RUBCN: variants seen among roughly 807,000 people sequenced by gnomAD.
The protein encoded by RUBCN is run domain Beclin-1-interacting and cysteine-rich domain-containing protein.
Under a neutral mutation model 113.2 loss-of-function variants are expected in RUBCN, and 74 were observed. The observed-to-expected ratio is 0.65, with a 90% confidence interval of 0.54 to 0.79. The LOEUF is 0.79. RUBCN is among the 30% of genes least tolerant of loss of function. RUBCN has a pLI of 0.00. For synonymous variants in RUBCN, 480 were observed against 490.0 expected, an observed-to-expected ratio of 0.98 and a Z score of 0.27; for missense variants, 1,109 against 1,251.7, an observed-to-expected ratio of 0.89 and a Z score of 1.72.
Position 197,708,858 on chromosome 3 carries a change from TA to T in RUBCN, c.220-3684del, listed in dbSNP as rs369340178. Among the ~76,000 whole-genome samples the T allele has an allele frequency of 5.4e-3, 818 of 152,270 alleles. 6 individuals carry two copies. Among genetic ancestry groups the T allele is most frequent in the African/African-American group, 0.019 (784 of 41,548 alleles). On this transcript the variant is annotated intron_variant, in intron 2 of 19. Transcript: ENST00000296343. The stretch of plus-strand genomic sequence containing the variant: ...CTCTGAAAAGCCTTTTCAGTAAAGG[TA>T]AGTCACTATAAAGAGTTGATACTGA...
intron 3 of RUBCN, 23 bp from the exon 4 acceptor site, chr3:197,704,724 T>G: frequency 1.2e-6 from 2 of 1,612,336 alleles, no homozygotes; most frequent in Non-Finnish European, 1.7e-6. Context: ...GGGGCATGAG[T>G]CAAAACACAC....
chr3:197,725,081 A>C (rs1726587552), intron 1 of RUBCN, among the ~76,000 whole-genome samples: 1 of 152,182 alleles, frequency 6.6e-6, no homozygotes, highest in Non-Finnish European at 1.5e-5. Flanking sequence ...CAGAAGCTGG[A>C]AAGTACCATA....
chr3:197,735,570 G>A (rs755114315), intron 1 of RUBCN, among the ~76,000 whole-genome samples: 3 of 152,164 alleles, frequency 2.0e-5, no homozygotes, highest in Non-Finnish European at 4.4e-5. Flanking sequence ...TCATCATTTA[G>A]TCAAAGTAGT....
rs773562073 is a variant in RUBCN, at chr3:197,683,878, C to T, written c.1847+279G>A. Among the ~76,000 whole-genome samples the T allele has an allele frequency of 6.6e-6, 1 of 152,184 alleles. No homozygotes were observed. The highest frequency in any genetic ancestry group is 1.5e-5 in the Non-Finnish European group (1 of 68,036). On this transcript the variant is annotated intron_variant, in intron 12 of 19. Coordinates refer to ENST00000296343, the MANE Select transcript of RUBCN (RefSeq NM_014687.4). The surrounding 1 kb of genome is among the most constrained non-coding windows in gnomAD (Gnocchi z 4.6). ...TCATAACCAAAAACCATCATCACTG[C>T]TCTCTTTTGAGACCTTCTGGGGCCT...
intron 8 of RUBCN, among the ~76,000 whole-genome samples, chr3:197,696,318 G>C (rs1722994825): frequency 6.6e-6 from 1 of 151,000 alleles, no homozygotes; most frequent in South Asian, 2.1e-4. Context: ...GTTGCAGTGA[G>C]CCAAGATCGC....
At chr3:197,687,075 T>G (rs1469378626) in intron 11 of RUBCN, among the ~76,000 whole-genome samples, 1 of 152,198 alleles carries the variant, frequency 6.6e-6, no homozygotes, top group Non-Finnish European at 1.5e-5. Flanking sequence ...TTAAACAAAG[T>G]AAGTGAGTCA....
chr3:197,733,318 TG>T (rs1727735633), intron 1 of RUBCN, among the ~76,000 whole-genome samples: 1 of 151,870 alleles, frequency 6.6e-6, no homozygotes, highest in Non-Finnish European at 1.5e-5. Context: ...ACAAAAAATC[TG>T]AAAAAATTAA....
Position 197,736,863 on chromosome 3 carries a change from G to C in RUBCN, c.-144C>G, listed in dbSNP as rs1728201246. On this transcript the variant is annotated 5_prime_UTR_variant, in exon 1 of 20. Coordinates refer to ENST00000296343, the MANE Select transcript of RUBCN (RefSeq NM_014687.4). ...TGCGCTACACCCGGGCGGCGACAGC[G>C]GGAGGGACCGCCGCCTGGGCTGCGG... 1.5e-6 allele frequency: 2 copies of C among 1,378,264 alleles called. No homozygotes were observed. The highest frequency in any genetic ancestry group is 1.7e-5 in the South Asian group (1 of 60,504). 85.4% of individuals were successfully genotyped at this position (1,378,264 alleles called of 1,614,324 possible).
At position 197,672,556 on chromosome 3, in the gene RUBCN, G is replaced by A. The variant is rs1345074574; in HGVS notation, c.*2462C>T. On this transcript the variant is annotated 3_prime_UTR_variant, in exon 20 of 20. Coordinates refer to ENST00000296343, the MANE Select transcript of RUBCN (RefSeq NM_014687.4). The stretch of plus-strand genomic sequence containing the variant: ...TAGGGAAAAATAAGTGACAAGTGAG[G>A]AGCCTATGAGACTGTTGAGTTCGGC... 2 of 152,248 alleles carry A rather than the reference G, an allele frequency of 1.3e-5. No individual in the cohort carries two copies. Among genetic ancestry groups the A allele is most frequent in the African/African-American group, 2.4e-5 (1 of 41,456 alleles). The allele number at this position is 152,248 out of a possible 1,614,324, so 9.4% of individuals were successfully genotyped here.
rs1560470847 is a variant in RUBCN at position 197,730,588 on chromosome 3, A to ATTTT, written c.65+6066_65+6067insAAAA. On this transcript the variant is annotated intron_variant, in intron 1 of 19. Coordinates refer to ENST00000296343, the MANE Select transcript of RUBCN (RefSeq NM_014687.4). ...CCTAGATTTTTTTTTTTTTTTTTTG[A>ATTTT]GAGAGAAAGTGGGACCAGGGGGCCA... is the stretch of plus-strand genomic sequence containing the variant. Among the ~76,000 whole-genome samples the ATTTT allele has an allele frequency of 2.5e-3, 323 of 126,888 alleles. 1 individual carries two copies. The highest frequency in any genetic ancestry group is 9.7e-3 in the African/African-American group (302 of 31,252). 83.2% of individuals were successfully genotyped at this position (126,888 alleles called of 152,430 possible).
At chr3:197,698,561 G>A (rs2108896019) in intron 7 of RUBCN, among the ~76,000 whole-genome samples, 1 of 150,992 alleles carries the variant, frequency 6.6e-6, no homozygotes, top group African/African-American at 2.4e-5. Context: ...GGAACTGCAG[G>A]AGAGGGAAAA....
chr3:197,734,785 AG>A, intron 1 of RUBCN, among the ~76,000 whole-genome samples: 1 of 152,232 alleles, frequency 6.6e-6, no homozygotes. Flanking sequence ...AGACATCTGC[AG>A]GAAGAATAAA....
Position 197,688,769 on chromosome 3 carries a change from C to T in RUBCN, c.1787-4552G>A, listed in dbSNP as rs566654155. Reference sequence around the variant, plus strand: ...AGACACCATCAGCAGAAGTAGATGACGTGAAAGACACAAAAGATGACGCAT... The same window carrying T: ...AGACACCATCAGCAGAAGTAGATGATGTGAAAGACACAAAAGATGACGCAT... On this transcript the variant is annotated intron_variant, in intron 11 of 19. Coordinates refer to ENST00000296343, the MANE Select transcript of RUBCN (RefSeq NM_014687.4). Among the ~76,000 whole-genome samples the T allele has an allele frequency of 4.6e-5, 7 of 152,280 alleles. No individual in the cohort carries two copies. The South Asian group carries it at 1.0e-3, about 23-fold the overall frequency.
Position 197,701,758 on chromosome 3 carries a change from TAGGA to T in RUBCN, c.673_676del (p.Ser225ThrfsTer58). 6.2e-7 allele frequency: 1 copy of T among 1,614,096 alleles called. No individual in the cohort carries two copies. Among genetic ancestry groups the T allele is most frequent in the Non-Finnish European group, 8.5e-7 (1 of 1,179,966 alleles). ...GTGGAGGCTAGAGAAGGACCCAAAG[TAGGA>T]ATGCTGAGCATAGCTGTTTGGAGGG... On this transcript the variant is annotated frameshift_variant, in exon 6 of 20. Transcript: ENST00000296343. LOFTEE classifies it high-confidence loss of function.
chr3:197,703,870 T>C (rs1342354771), intron 4 of RUBCN, among the ~76,000 whole-genome samples: 2 of 152,176 alleles, frequency 1.3e-5, no homozygotes, highest in African/African-American at 4.8e-5. Context: ...ATCCTGGCTC[T>C]GAGTGACTTT....
chr3:197,685,860 C>T (rs1014488588), intron 11 of RUBCN, among the ~76,000 whole-genome samples: 1 of 152,214 alleles, frequency 6.6e-6, no homozygotes, highest in South Asian at 2.1e-4. Context: ...GTAGGCCAGA[C>T]TTTCACAGAC....
upstream of RUBCN, chr3:197,737,042 G>T: frequency 4.7e-6 from 4 of 843,794 alleles, no homozygotes; most frequent in Non-Finnish European, 6.2e-6. Context: ...CGCAAGCCGC[G>T]CCCTCCAATC....
chr3:197,730,883 A>ATCT (rs1251510185), intron 1 of RUBCN, among the ~76,000 whole-genome samples: 2 of 60,808 alleles, frequency 3.3e-5, no homozygotes, highest in African/African-American at 7.7e-5. Flanking sequence ...TTTTAAAAGC[A>ATCT]TCTTTTTTTT....
At chr3:197,745,578 G>A (rs1728708855) in intron 1 of RUBCN, among the ~76,000 whole-genome samples, 1 of 151,812 alleles carries the variant, frequency 6.6e-6, no homozygotes, top group African/African-American at 2.4e-5. Context: ...TCATGCCACT[G>A]CACTCCAGCC....
Sources: gnomAD v4.1 joint callset for allele counts (sites outside exome capture counted in the v4.1 genomes callset) on GRCh38, gnomAD v4.1.1 for gene constraint, Gnocchi (gnomAD v3.1) non-coding constraint, MANE v1.5 for transcripts, NCBI Gene and HGNC (gene_info 2026-07-23, HGNC 2026-07-21) for gene names.